RTKN2: variants seen among roughly 807,000 people sequenced by gnomAD.
RTKN2 encodes the protein rhotekin-2.
RTKN2 carries 69 observed loss-of-function variants against 71.5 expected under a neutral mutation model. The observed-to-expected ratio is 0.96, with a 90% CI of 0.79 to 1.18. The LOEUF (loss-of-function observed/expected upper bound fraction) is 1.18, where lower values mean the gene tolerates loss of function less well. Among genes scored for constraint, RTKN2 ranks in the 50% most tolerant of loss-of-function variants. RTKN2 has a pLI of 0.00. For missense variants in RTKN2, 724 were observed against 719.7 expected (o/e 1.01, Z -0.07); for synonymous variants, 236 against 236.5 (o/e 1.00, Z 0.02).
downstream of RTKN2, among the ~76,000 whole-genome samples, chr10:62,192,584 C>A (rs570539135): frequency 6.2e-4 from 94 of 152,300 alleles, no homozygotes; most frequent in African/African-American, 2.2e-3. Context: ...ATCATATGAG[C>A]CCTTTAAAAG....
chr10:62,240,712 GA>G (rs35062523), intron 4 of RTKN2, among the ~76,000 whole-genome samples: 111,402 of 151,890 alleles, frequency 0.73, 41,106 homozygotes, highest in East Asian at 0.9. Context: ...AATATTGAAG[GA>G]AAAAAAATCA....
intron 3 of RTKN2, among the ~76,000 whole-genome samples, chr10:62,241,514 C>T (rs951340444): frequency 6.6e-6 from 1 of 152,078 alleles, no homozygotes; most frequent in Admixed American, 6.6e-5. Context: ...TGTTCCTTGG[C>T]TATACTTTTA....
intron 3 of RTKN2, among the ~76,000 whole-genome samples, chr10:62,243,979 T>G (rs1381947738): frequency 1.3e-5 from 2 of 152,170 alleles, no homozygotes; most frequent in African/African-American, 4.8e-5. Flanking sequence ...TACATTTACA[T>G]ATGGTAAATA....
At chr10:62,241,726 G>C (rs1312303091) in intron 3 of RTKN2, among the ~76,000 whole-genome samples, 2 of 152,030 alleles carry the variant, frequency 1.3e-5, no homozygotes, top group Admixed American at 6.5e-5. Context: ...TTACAGGTGT[G>C]TGCCATCTGT....
chr10:62,186,612 C>T (rs896693969), intron 8 of RTKN2, among the ~76,000 whole-genome samples: 1 of 152,192 alleles, frequency 6.6e-6, no homozygotes. Context: ...CCCCTTCCCG[C>T]TCTCAAGTAG....
chr10:62,265,214 G>A (rs950314896), intron 1 of RTKN2, among the ~76,000 whole-genome samples: 4 of 151,992 alleles, frequency 2.6e-5, no homozygotes, highest in African/African-American at 9.7e-5. Context: ...TTTTCCTTTA[G>A]AGCAAGGGTC....
intron 9 of RTKN2, among the ~76,000 whole-genome samples, chr10:62,206,200 C>A (rs576518611): frequency 6.6e-6 from 1 of 152,200 alleles, no homozygotes; most frequent in East Asian, 1.9e-4. Flanking sequence ...GTGGCTACTG[C>A]ACTGTACATA....
At chr10:62,201,325 A>ATTC (rs1176479716) in intron 10 of RTKN2, among the ~76,000 whole-genome samples, 3 of 152,162 alleles carry the variant, frequency 2.0e-5, no homozygotes, top group African/African-American at 7.2e-5. Context: ...ATCCACCACC[A>ATTC]TTAGTTAAGA....
At chr10:62,227,168 T>C (rs539344524) in intron 6 of RTKN2, among the ~76,000 whole-genome samples, 1 of 152,224 alleles carries the variant, frequency 6.6e-6, no homozygotes, top group Admixed American at 6.5e-5. Context: ...GGGAGGAGAA[T>C]GTATAAATAT....
chr10:62,217,171 G>A lies in RTKN2; in HGVS notation c.967C>T (p.Pro323Ser). 2 of 1,599,736 alleles carry A rather than the reference G, an allele frequency of 1.3e-6. No individual in the cohort carries two copies. Among genetic ancestry groups the A allele is most frequent in the South Asian group, 1.1e-5 (1 of 88,638 alleles). The part of the protein sequence containing the change: ...RGGKLYCFYS[P>S]EEIEAKVEPA... The stretch of plus-strand genomic sequence containing the variant: ...TCCACTTTAGCTTCAATTTCCTCTG[G>A]ACTGTAAAAACAATAGAGTTTACCT... Residue 323 changes from proline to serine, a missense_variant, in exon 9 of 12, where the codon CCA (proline) becomes TCA (serine). Transcript: ENST00000373789.
intron 4 of RTKN2, among the ~76,000 whole-genome samples, chr10:62,240,672 C>A (rs777752320): frequency 6.6e-6 from 1 of 151,180 alleles, no homozygotes; most frequent in Non-Finnish European, 1.5e-5. Flanking sequence ...AAGCAATACA[C>A]GGATTTGTAA....
At chr10:62,228,549 G>T (rs1842079680) in intron 6 of RTKN2, among the ~76,000 whole-genome samples, 1 of 152,212 alleles carries the variant, frequency 6.6e-6, no homozygotes, top group Non-Finnish European at 1.5e-5. Context: ...TATTTTCCAT[G>T]AAGGATAGTT....
intron 9 of RTKN2, among the ~76,000 whole-genome samples, chr10:62,214,395 T>C (rs1217475279): frequency 6.6e-6 from 1 of 152,142 alleles, no homozygotes; most frequent in Non-Finnish European, 1.5e-5. Flanking sequence ...TCCTGTGATA[T>C]GTAATGGCCA....
intron 4 of RTKN2, among the ~76,000 whole-genome samples, chr10:62,240,189 G>A (rs1017006283): frequency 1.3e-5 from 2 of 150,962 alleles, no homozygotes; most frequent in Non-Finnish European, 2.9e-5. Context: ...AAGAGGTTAA[G>A]AGTAGGCACA....
intron 5 of RTKN2, chr10:62,238,812 TA>T (rs1220242380): frequency 3.9e-5 from 6 of 152,090 alleles, no homozygotes; most frequent in African/African-American, 1.4e-4. Flanking sequence ...ACTAGGCCTC[TA>T]AAATCTCACC....
At chr10:62,208,816 C>G (rs1396813020) in intron 9 of RTKN2, among the ~76,000 whole-genome samples, 1 of 152,104 alleles carries the variant, frequency 6.6e-6, no homozygotes, top group African/African-American at 2.4e-5. Flanking sequence ...AGTTTGTAAT[C>G]CTTAATGAAA....
At chr10:62,255,311 T>A (rs1842654628) in intron 2 of RTKN2, among the ~76,000 whole-genome samples, 2 of 152,188 alleles carry the variant, frequency 1.3e-5, no homozygotes, top group African/African-American at 4.8e-5. Context: ...GCATACCTAG[T>A]GCCCAGGTTT....
At chr10:62,231,463 C>T (rs1842146698) in intron 6 of RTKN2, among the ~76,000 whole-genome samples, 1 of 152,144 alleles carries the variant, frequency 6.6e-6, no homozygotes, top group Admixed American at 6.5e-5. Flanking sequence ...TTTCAAGTTG[C>T]TTCATTTTTA....
rs1825775147 is a variant in RTKN2 at position 62,217,243 on chromosome 10, C to A, written c.895G>T (p.Val299Leu). The change falls in exon 9 of 12, where the codon GTA becomes TTA. Residue 299 changes from valine to leucine, a missense_variant. By Grantham distance (32) the Val-to-Leu change is conservative. Coordinates refer to ENST00000373789, the MANE Select transcript of RTKN2 (RefSeq NM_145307.4). ...FAGFLNQQQM[V>L]EGLISWRRLY... is the part of the protein sequence containing the mutation. ...CTTCTCCAACTAATCAGACCTTCTA[C>A]CATTTGCTGAAAAAAAAAAAAAAAA... 1 of 1,485,340 alleles carries A rather than the reference C, an allele frequency of 6.7e-7. No individual in the cohort carries two copies. Among genetic ancestry groups the A allele is most frequent in the Non-Finnish European group, 8.9e-7 (1 of 1,129,214 alleles). 92.0% of individuals were successfully genotyped at this position (1,485,340 alleles called of 1,614,324 possible).
Sources: gnomAD v4.1 joint callset for allele counts (sites outside exome capture counted in the v4.1 genomes callset) on GRCh38, gnomAD v4.1.1 for gene constraint, MANE v1.5 for transcripts, NCBI Gene and HGNC (gene_info 2026-07-23, HGNC 2026-07-21) for gene names.